Variants in LRMDA observed in about 807,000 individuals in gnomAD.
LRMDA encodes leucine rich melanocyte differentiation associated.
LRMDA carries 18 observed loss-of-function variants against 29.8 expected under a neutral mutation model. The observed-to-expected ratio is 0.60, with a 90% CI of 0.42 to 0.90. The LOEUF (loss-of-function observed/expected upper bound fraction) is 0.90, where lower values mean the gene tolerates loss of function less well. Ranked by LOEUF, LRMDA falls within the 40% of genes least tolerant of loss-of-function variation. The pLI is 0.00. For missense variants in LRMDA, 273 were observed against 273.9 expected (o/e 1.00, Z 0.02); for synonymous variants, 125 against 109.4 (o/e 1.14, Z -0.89).
chr10:75,651,232 C>A (rs1480709184), intron 2 of LRMDA, among the ~76,000 whole-genome samples: 1 of 152,138 alleles, frequency 6.6e-6, no homozygotes, highest in African/African-American at 2.4e-5. Flanking sequence ...ATCATGTATA[C>A]CTCATCTACC....
intron 5 of LRMDA, among the ~76,000 whole-genome samples, chr10:76,307,944 G>A (rs1589420772): frequency 6.6e-6 from 1 of 152,100 alleles, no homozygotes; most frequent in East Asian, 1.9e-4. Flanking sequence ...CCATCAAAAG[G>A]ATAATCTTAT....
At chr10:76,450,895 T>C (rs1447746156) in intron 6 of LRMDA, among the ~76,000 whole-genome samples, 3 of 152,216 alleles carry the variant, frequency 2.0e-5, no homozygotes, top group African/African-American at 7.2e-5. Flanking sequence ...GTTCTAAATC[T>C]TGCTTTTGTC....
chr10:75,696,857 C>T (rs974350741), intron 2 of LRMDA, among the ~76,000 whole-genome samples: 8 of 152,134 alleles, frequency 5.3e-5, no homozygotes, highest in African/African-American at 7.2e-5. Context: ...TGAGTGCTGG[C>T]GATGCAAGGC....
chr10:76,160,972 G>A (rs1000297376), intron 5 of LRMDA, among the ~76,000 whole-genome samples: 8 of 152,098 alleles, frequency 5.3e-5, no homozygotes, highest in Non-Finnish European at 1.0e-4. Context: ...TGAAACACCC[G>A]CAAGCAACCG....
intron 2 of LRMDA, among the ~76,000 whole-genome samples, chr10:75,836,025 C>T: frequency 6.6e-6 from 1 of 152,022 alleles, no homozygotes; most frequent in East Asian, 1.9e-4. Flanking sequence ...AAGGCACTTG[C>T]ACTGAATAAG....
chr10:75,438,631 C>T (rs1333218396), intron 2 of LRMDA, 137 bp downstream of exon 2: 6 of 659,108 alleles, frequency 9.1e-6, no homozygotes, highest in East Asian at 5.5e-5. Flanking sequence ...CTCTGAGATG[C>T]GTGGAATCAC....
chr10:75,985,879 A>G lies in LRMDA; in HGVS notation c.132-50129A>G, dbSNP rs989120139. Among the ~76,000 whole-genome samples the G allele has an allele frequency of 2.0e-5, 3 of 152,358 alleles. No individual in the cohort carries two copies. In the East Asian group the frequency reaches 5.8e-4, roughly 29 times the overall value. On this transcript the variant is annotated intron_variant, in intron 2 of 6. Coordinates refer to ENST00000611255, the MANE Select transcript of LRMDA (RefSeq NM_001305581.2). The stretch of plus-strand genomic sequence containing the variant: ...GAAGAGCTGTTGATGTGATGGTTCA[A>G]TGAAGATGGAGAAACAAGGAAAATC...
At chr10:75,756,362 A>C (rs1346716092) in intron 2 of LRMDA, among the ~76,000 whole-genome samples, 3 of 152,162 alleles carry the variant, frequency 2.0e-5, no homozygotes, top group Admixed American at 2.0e-4. Flanking sequence ...GATGGCTGGA[A>C]TGCCAGCATT....
At chr10:75,500,258 T>TA (rs1845096700) in intron 2 of LRMDA, among the ~76,000 whole-genome samples, 1 of 152,196 alleles carries the variant, frequency 6.6e-6, no homozygotes, top group Admixed American at 6.5e-5. Context: ...TGAGCCCTTC[T>TA]AATGGTAACT....
rs369348664 is a variant in LRMDA, at chr10:76,154,281, C to T, written c.516+95498C>T. Among the ~76,000 whole-genome samples the T allele has an allele frequency of 2.0e-4, 31 of 152,290 alleles. No individual in the cohort carries two copies. In the East Asian group the frequency reaches 5.6e-3, roughly 27 times the overall value. On this transcript the variant is annotated intron_variant, in intron 5 of 6. Coordinates refer to ENST00000611255, the MANE Select transcript of LRMDA (RefSeq NM_001305581.2). ...TGCTAAGGTAGACACATGTGTTTGA[C>T]AGTCCTGGCCCCAGGTATTCTGTTT...
intron 2 of LRMDA, among the ~76,000 whole-genome samples, chr10:75,558,155 ATT>A (rs11292875): frequency 1.8e-3 from 242 of 132,268 alleles, no homozygotes; most frequent in African/African-American, 5.0e-3. Flanking sequence ...CAGTGGTATG[ATT>A]TTTTTTTTTT....
chr10:75,623,109 T>A (rs1386882657), intron 2 of LRMDA, among the ~76,000 whole-genome samples: 3 of 152,248 alleles, frequency 2.0e-5, no homozygotes, highest in Non-Finnish European at 4.4e-5. Context: ...TGCAGTTAAT[T>A]GTAAAGCAAA....
At chr10:76,053,658 T>G (rs1848565758) in intron 4 of LRMDA, among the ~76,000 whole-genome samples, 1 of 152,156 alleles carries the variant, frequency 6.6e-6, no homozygotes, top group African/African-American at 2.4e-5. Context: ...CAATAATGTT[T>G]GGAGCGAGTT....
chr10:76,093,139 G>A (rs1461443667), intron 5 of LRMDA, among the ~76,000 whole-genome samples: 1 of 152,042 alleles, frequency 6.6e-6, no homozygotes, highest in Non-Finnish European at 1.5e-5. Flanking sequence ...CCAGGTTCAA[G>A]CGATTCTCCT....
intron 5 of LRMDA, among the ~76,000 whole-genome samples, chr10:76,272,443 T>A (rs977457954): frequency 1.3e-5 from 2 of 152,218 alleles, no homozygotes; most frequent in African/African-American, 4.8e-5. Context: ...TTGTGTCAGA[T>A]GTTTTTATAC....
At chr10:76,120,022 C>T (rs925691813) in intron 5 of LRMDA, among the ~76,000 whole-genome samples, 37 of 152,062 alleles carry the variant, frequency 2.4e-4, no homozygotes, top group Admixed American at 2.1e-3. Flanking sequence ...CTGTTGTATT[C>T]TTGCAGCTTC....
At chr10:75,791,851 A>G (rs569934672) in intron 2 of LRMDA, among the ~76,000 whole-genome samples, 241 of 139,370 alleles carry the variant, frequency 1.7e-3, no homozygotes, top group African/African-American at 5.7e-3. Flanking sequence ...TTGGGATTCC[A>G]GGATCTTTTT....
chr10:75,895,381 A>G (rs568536160), intron 2 of LRMDA, among the ~76,000 whole-genome samples: 4 of 152,322 alleles, frequency 2.6e-5, no homozygotes, highest in African/African-American at 9.6e-5. Flanking sequence ...TGTCCTTTAC[A>G]TCTATCATCT....
intron 2 of LRMDA, among the ~76,000 whole-genome samples, chr10:75,966,503 C>G (rs1027970007): frequency 1.3e-5 from 2 of 152,194 alleles, no homozygotes; most frequent in South Asian, 4.1e-4. Context: ...CTGTCCTACC[C>G]AGTACATTGT....
Sources: allele counts gnomAD v4.1 joint callset (sites outside exome capture counted in the v4.1 genomes callset), GRCh38; gene constraint gnomAD v4.1.1; transcripts MANE v1.5; gene names NCBI Gene and HGNC (gene_info 2026-07-23, HGNC 2026-07-21).